IL4I1: variants seen among roughly 807,000 people sequenced by gnomAD.
IL4I1 encodes the protein interleukin 4 induced 1, also known as L-amino-acid oxidase.
Under a neutral mutation model 29.7 loss-of-function variants are expected in IL4I1, and 24 were observed. The observed-to-expected ratio is 0.81, with a 90% CI of 0.59 to 1.14. The LOEUF (loss-of-function observed/expected upper bound fraction) is 1.14. Ranked by LOEUF, IL4I1 falls within the 50% of genes most tolerant of loss-of-function variation. The pLI is 0.00. For missense variants in IL4I1, 686 were observed against 785.6 expected (o/e 0.87, Z 1.52); for synonymous variants, 371 against 352.5 (o/e 1.05, Z -0.59).
At chr19:49,892,392 C>T (rs1600467041) in intron 5 of IL4I1, among the ~76,000 whole-genome samples, 1 of 152,284 alleles carries the variant, frequency 6.6e-6, no homozygotes, top group East Asian at 1.9e-4. Context: ...TACCCGCCTT[C>T]TGACTCTCTG....
intron 2 of IL4I1, among the ~76,000 whole-genome samples, chr19:49,922,318 G>A (rs2075784961): frequency 6.6e-6 from 1 of 152,094 alleles, no homozygotes; most frequent in Non-Finnish European, 1.5e-5. Context: ...TCTGGCTGGG[G>A]GCATGGGGAT....
chr19:49,905,544 G>A (rs551108595), intron 2 of IL4I1, among the ~76,000 whole-genome samples: 7 of 152,158 alleles, frequency 4.6e-5, no homozygotes, highest in Non-Finnish European at 1.0e-4. Flanking sequence ...CACACCCATG[G>A]TTTCTACTTA....
At chr19:49,924,158 C>A (rs1196992127) in intron 2 of IL4I1, among the ~76,000 whole-genome samples, 5 of 152,164 alleles carry the variant, frequency 3.3e-5, no homozygotes, top group South Asian at 2.1e-4. Flanking sequence ...GGCCTCGGGG[C>A]CCTGGAAGCT....
chr19:49,903,370 G>A (rs1179290429), intron 3 of IL4I1, among the ~76,000 whole-genome samples: 4 of 152,136 alleles, frequency 2.6e-5, no homozygotes, highest in East Asian at 1.9e-4. Context: ...GAGGGGAGAC[G>A]GGACAAGGGC....
intron 3 of IL4I1, among the ~76,000 whole-genome samples, chr19:49,902,359 C>CTTTTTT (rs1207280960): frequency 6.7e-5 from 8 of 118,632 alleles, no homozygotes; most frequent in South Asian, 2.7e-4. Context: ...GCAGCCATTT[C>CTTTTTT]TTTTTTTTTT....
Position 49,894,385 on chromosome 19 carries a change from G to A in IL4I1, c.450C>T (p.His150=), listed in dbSNP as rs780614781. ...CCACATAGTTGCGCAGCTTCACTTC[G>A]TGCACCTCCGTCCACGTGTTCTTGT... ...QYDKNTWTEV[H]EVKLRNYVVE... is the part of the protein sequence containing the mutation. Residue 150 remains histidine (H), a synonymous_variant, in exon 5 of 8, where the codon CAC becomes CAT. Transcript: ENST00000391826. 41 of 1,614,080 alleles carry A rather than the reference G, an allele frequency of 2.5e-5. No homozygotes were observed. Among genetic ancestry groups the A allele is most frequent in the Admixed American group, 5.0e-5 (3 of 60,000 alleles).
rs1037763835 is a variant in IL4I1, at chr19:49,890,470, C to T, written c.904G>A (p.Glu302Lys). Residue 302 changes from glutamate to lysine, a missense_variant, in exon 8 of 8, where the codon GAG (glutamate) becomes AAG (lysine). Coordinates refer to ENST00000391826, the MANE Select transcript of IL4I1 (RefSeq NM_152899.2). ...AGATTCCGCGCCGGGGGAGAGGTCTCGATCTGCACGTGCACATCGTGCGGT... is the reference window on the plus strand; with the variant it reads ...AGATTCCGCGCCGGGGGAGAGGTCTTGATCTGCACGTGCACATCGTGCGGT... ...QGPHDVHVQI[E>K]TSPPARNLKV... The T allele has an allele frequency of 6.2e-7, 1 of 1,611,938 alleles. No homozygotes were observed. The highest frequency in any genetic ancestry group is 8.5e-7 in the Non-Finnish European group (1 of 1,179,790).
At chr19:49,897,251 T>G (rs1307763175), upstream of IL4I1, among the ~76,000 whole-genome samples, 2 of 152,194 alleles carry the variant, frequency 1.3e-5, no homozygotes, top group African/African-American at 4.8e-5. Context: ...TACAGGTCCC[T>G]GGGCCAGGCC....
chr19:49,918,899 G>GGC lies in IL4I1; in HGVS notation c.-228+8794_-228+8795insGC, dbSNP rs1299533948. On this transcript the variant is annotated intron_variant, in intron 2 of 9. Coordinates refer to the IL4I1 transcript ENST00000341114. ...AATCCCAGCACTTTGGGAGGCTGGG[G>GGC]GGGGGGGGGCGGGGTGTGGGGGGGC... Among the ~76,000 whole-genome samples, 32 of 129,690 alleles carry GGC rather than the reference G, an allele frequency of 2.5e-4. 1 individual carries two copies. Among genetic ancestry groups the GGC allele is most frequent in the African/African-American group, 1.1e-3 (32 of 29,918 alleles). 85.1% of individuals were successfully genotyped at this position (129,690 alleles called of 152,430 possible). A position where few individuals can be genotyped will look rare whatever the true frequency, so the allele number is the denominator to read the frequency against.
At chr19:49,916,457 G>T (rs1334691184) in intron 2 of IL4I1, among the ~76,000 whole-genome samples, 1 of 147,288 alleles carries the variant, frequency 6.8e-6, no homozygotes, top group Non-Finnish European at 1.5e-5. Context: ...GGTATCTTTT[G>T]TATTTTTGTA....
At position 49,890,441 on chromosome 19, in the gene IL4I1, C is replaced by T. The variant is rs751422502; in HGVS notation, c.933G>A (p.Lys311=). 1 of 1,611,658 alleles carries T rather than the reference C, an allele frequency of 6.2e-7. No individual in the cohort carries two copies. The highest frequency in any genetic ancestry group is 1.1e-5 in the South Asian group (1 of 91,076). The part of the protein sequence containing the change: ...IETSPPARNL[K]VLKADVVLLT... ...GCAGCACCACGTCGGCCTTCAGCAC[C>T]TTCAGATTCCGCGCCGGGGGAGAGG... The change falls in exon 8 of 8, where the codon AAG becomes AAA. Residue 311 remains lysine, a synonymous_variant. Transcript: ENST00000391826.
chr19:49,915,062 C>T (rs1363235392), intron 2 of IL4I1, among the ~76,000 whole-genome samples: 1 of 151,848 alleles, frequency 6.6e-6, no homozygotes, highest in Non-Finnish European at 1.5e-5. Context: ...CCTTAGATGC[C>T]TGGGACAGGA....
chr19:49,905,242 A>C (rs1032838395), intron 2 of IL4I1, among the ~76,000 whole-genome samples: 2 of 152,220 alleles, frequency 1.3e-5, no homozygotes, highest in Admixed American at 6.5e-5. Context: ...TACATGCTCA[A>C]ATTTTCTCAT....
intron 2 of IL4I1, chr19:49,908,398 T>A: frequency 6.2e-7 from 1 of 1,614,194 alleles, no homozygotes; most frequent in South Asian, 1.1e-5. Flanking sequence ...TCTGCTGCAG[T>A]GGGTCACTGG....
upstream of IL4I1, among the ~76,000 whole-genome samples, chr19:49,897,475 GAC>G (rs369801171): frequency 0.53 from 79,727 of 151,838 alleles, 21,433 homozygotes; most frequent in South Asian, 0.64. Flanking sequence ...GCTGTCAAAT[GAC>G]GTCTACAGAC....
At chr19:49,907,396 C>A in intron 2 of IL4I1, 1 of 379,890 alleles carries the variant, frequency 2.6e-6, no homozygotes, top group South Asian at 1.9e-5. Context: ...GCAGGCCCCT[C>A]AGCTGACCTG....
chr19:49,889,697 G>A lies in IL4I1; in HGVS notation c.1677C>T (p.Asn559=). 2 of 1,508,720 alleles carry A rather than the reference G, an allele frequency of 1.3e-6. No homozygotes were observed. Among genetic ancestry groups the A allele is most frequent in the Non-Finnish European group, 1.8e-6 (2 of 1,127,846 alleles). The allele number at this position is 1,508,720 out of a possible 1,614,324, so 93.5% of individuals were successfully genotyped here. Residue 559 remains asparagine, a synonymous_variant, in exon 8 of 8, where the codon AAC becomes AAT. Coordinates refer to ENST00000391826, the MANE Select transcript of IL4I1 (RefSeq NM_152899.2). The part of the protein sequence containing the change: ...PPVQGQLSLQ[N]TTHTRTSH Reference sequence around the variant, plus strand: ...AATGCGAGGTCCTCGTGTGGGTCGTGTTTTGGAGAGATAACTGGCCTTGGA... The same window carrying A: ...AATGCGAGGTCCTCGTGTGGGTCGTATTTTGGAGAGATAACTGGCCTTGGA...
intron 2 of IL4I1, among the ~76,000 whole-genome samples, chr19:49,919,658 A>C (rs1174204929): frequency 6.6e-6 from 1 of 152,198 alleles, no homozygotes; most frequent in Non-Finnish European, 1.5e-5. Context: ...CCCCAGGCCC[A>C]GAAGCTACCA....
rs747517251 is a variant in IL4I1 at position 49,890,419 on chromosome 19, GCAC to G, written c.952_954del (p.Val318del). 6.2e-7 allele frequency: 1 copy of G among 1,609,832 alleles called. No individual in the cohort carries two copies. The highest frequency in any genetic ancestry group is 1.1e-5 in the South Asian group (1 of 91,042). On this transcript the variant is annotated inframe_deletion, in exon 8 of 8. Coordinates refer to ENST00000391826, the MANE Select transcript of IL4I1 (RefSeq NM_152899.2). Reference sequence around the variant, plus strand: ...ACCGCCGGTCCGCTCGCCGTCAGCAGCACCACGTCGGCCTTCAGCACCTTCAGA... The same window carrying G: ...ACCGCCGGTCCGCTCGCCGTCAGCAGCACGTCGGCCTTCAGCACCTTCAGA...
Sources: allele counts gnomAD v4.1 joint callset (sites outside exome capture counted in the v4.1 genomes callset), GRCh38; gene constraint gnomAD v4.1.1; transcripts MANE v1.5; gene names NCBI Gene and HGNC (gene_info 2026-07-23, HGNC 2026-07-21).